Variants in ANO4 observed in about 807,000 individuals in gnomAD.
The protein encoded by ANO4 is anoctamin-4.
Under a neutral mutation model 141.9 loss-of-function variants are expected in ANO4, and 69 were observed. That is an observed-to-expected ratio of 0.49 (90% CI 0.40 to 0.59). The LOEUF is 0.59. Among genes scored for constraint, ANO4 ranks in the 20% least tolerant of loss-of-function variants. The probability of loss-of-function intolerance (pLI) is 0.00; values close to 1 mark genes in which losing one functional copy is unlikely to be tolerated. For synonymous variants in ANO4, 350 were observed against 394.3 expected, an observed-to-expected ratio of 0.89 and a Z score of 1.33; for missense variants, 894 against 1,162.2, an observed-to-expected ratio of 0.77 and a Z score of 3.36.
chr12:100,979,738 T>C (rs80229343), intron 7 of ANO4, among the ~76,000 whole-genome samples: 1 of 151,814 alleles, frequency 6.6e-6, no homozygotes, highest in Non-Finnish European at 1.5e-5. Flanking sequence ...TTATTTATTT[T>C]TTTTTTTGAG....
intron 8 of ANO4, among the ~76,000 whole-genome samples, chr12:101,018,056 C>G (rs1502451): frequency 0.31 from 47,073 of 152,086 alleles, 7,812 homozygotes; most frequent in Non-Finnish European, 0.38. Flanking sequence ...TTTTGGCCTT[C>G]AATTTTCTTG....
chr12:101,031,520 A>G (rs1200030151), intron 9 of ANO4, among the ~76,000 whole-genome samples: 1 of 152,218 alleles, frequency 6.6e-6, no homozygotes, highest in Non-Finnish European at 1.5e-5. Context: ...GAAAACCAGT[A>G]CAAGACAAGG....
At chr12:100,855,749 A>G (rs543869835) in intron 1 of ANO4, among the ~76,000 whole-genome samples, 1 of 152,194 alleles carries the variant, frequency 6.6e-6, no homozygotes, top group African/African-American at 2.4e-5. Context: ...TTCTCATTTT[A>G]CAGTGACATT....
chr12:100,764,141 T>A (rs763366143), intron 3 of ANO4, among the ~76,000 whole-genome samples: 1 of 152,228 alleles, frequency 6.6e-6, no homozygotes, highest in Admixed American at 6.5e-5. Flanking sequence ...GCTATTGTCA[T>A]TTTTAAATGC....
intron 3 of ANO4, among the ~76,000 whole-genome samples, chr12:100,922,884 C>G (rs993205071): frequency 6.6e-6 from 1 of 152,066 alleles, no homozygotes; most frequent in Admixed American, 6.6e-5. Flanking sequence ...AGCTTTCACT[C>G]AGAATTTTAT....
At chr12:100,798,569 C>G (rs945339789) in intron 1 of ANO4, among the ~76,000 whole-genome samples, 1 of 152,108 alleles carries the variant, frequency 6.6e-6, no homozygotes, top group African/African-American at 2.4e-5. Context: ...TTTACTAGAT[C>G]AGTTTTGCAG....
chr12:101,050,319 A>C, intron 14 of ANO4, among the ~76,000 whole-genome samples: 1 of 152,178 alleles, frequency 6.6e-6, no homozygotes, highest in Non-Finnish European at 1.5e-5. Context: ...CTGTCTCTGA[A>C]CAGGCCATGT....
intron 1 of ANO4, among the ~76,000 whole-genome samples, chr12:100,863,700 A>G (rs1172073979): frequency 1.3e-5 from 2 of 152,336 alleles, no homozygotes; most frequent in Non-Finnish European, 2.9e-5. Context: ...AATTGTGGCA[A>G]TTACTTAAAA....
At chr12:100,889,404 G>T (rs922747986) in intron 1 of ANO4, among the ~76,000 whole-genome samples, 4 of 152,128 alleles carry the variant, frequency 2.6e-5, no homozygotes, top group African/African-American at 9.7e-5. Flanking sequence ...CCAGTAATGG[G>T]ATGGCTGGGT....
At chr12:101,108,779 T>A (rs998675222) in intron 22 of ANO4, among the ~76,000 whole-genome samples, 2 of 152,182 alleles carry the variant, frequency 1.3e-5, no homozygotes, top group African/African-American at 4.8e-5. Context: ...AACCACCTCC[T>A]TTTGAAAAAA....
At chr12:101,114,783 T>C (rs888041586) in intron 24 of ANO4, among the ~76,000 whole-genome samples, 1 of 152,156 alleles carries the variant, frequency 6.6e-6, no homozygotes, top group Admixed American at 6.5e-5. Flanking sequence ...CTAATTTATT[T>C]TCATGTCCAG....
chr12:100,849,127 G>A (rs1565933590), intron 1 of ANO4, among the ~76,000 whole-genome samples: 1 of 152,220 alleles, frequency 6.6e-6, no homozygotes, highest in East Asian at 1.9e-4. Flanking sequence ...AAAGAATCCT[G>A]TCCTTTGGGT....
At chr12:101,014,098 T>C (rs1355431194) in intron 8 of ANO4, among the ~76,000 whole-genome samples, 4 of 152,118 alleles carry the variant, frequency 2.6e-5, no homozygotes, top group Non-Finnish European at 5.9e-5. Context: ...CCTCTCAAAA[T>C]ATATAAATAT....
At chr12:101,014,439 A>C (rs2046232731) in intron 8 of ANO4, among the ~76,000 whole-genome samples, 1 of 152,170 alleles carries the variant, frequency 6.6e-6, no homozygotes, top group Non-Finnish European at 1.5e-5. Flanking sequence ...GTCAGTGGGA[A>C]GTTCAGGCCC....
intron 10 of ANO4, chr12:101,038,986 A>G (rs962351428): frequency 6.6e-6 from 1 of 152,194 alleles, no homozygotes; most frequent in Admixed American, 6.5e-5. Context: ...TCCAGAAAGT[A>G]CCGTTTCTCT....
chr12:100,824,517 A>G (rs944065853), intron 1 of ANO4, among the ~76,000 whole-genome samples: 4 of 152,062 alleles, frequency 2.6e-5, no homozygotes, highest in African/African-American at 9.7e-5. Flanking sequence ...TTTTCCTCAA[A>G]TGGACTTAAG....
At chr12:101,028,980 C>T (rs1566146590) in intron 9 of ANO4, among the ~76,000 whole-genome samples, 1 of 152,210 alleles carries the variant, frequency 6.6e-6, no homozygotes, top group Non-Finnish European at 1.5e-5. Context: ...AACAATGCAC[C>T]TCTCAGCAGA....
intron 3 of ANO4, among the ~76,000 whole-genome samples, chr12:100,777,197 A>G (rs1353221365): frequency 6.7e-6 from 1 of 148,420 alleles, no homozygotes; most frequent in East Asian, 2.0e-4. Context: ...GGTTCAAGCA[A>G]TTCTTGTGCC....
chr12:101,109,259 A>G (rs1016618517), intron 22 of ANO4, among the ~76,000 whole-genome samples: 7 of 152,248 alleles, frequency 4.6e-5, no homozygotes, highest in Middle Eastern at 3.4e-3. Flanking sequence ...TACTTTGATC[A>G]CTTGGTTAAA....
Sources: gnomAD v4.1 joint callset for allele counts (sites outside exome capture counted in the v4.1 genomes callset) on GRCh38, gnomAD v4.1.1 for gene constraint, MANE v1.5 for transcripts, NCBI Gene and HGNC (gene_info 2026-07-23, HGNC 2026-07-21) for gene names.